Variants in SKIC3 observed in about 807,000 individuals in gnomAD.
The protein encoded by SKIC3 is superkiller complex protein 3.
At chr5:95,482,419 T>C in the SKIC3 span, 844 of 1,557,908 alleles carry the variant, frequency 5.4e-4, 3 homozygotes, top group Middle Eastern at 1.3e-3. Context: ...TGACATTAAC[T>C]AATATTATGA....
At chr5:95,476,477 C>T in the SKIC3 span, among the ~76,000 whole-genome samples, 1 of 152,136 alleles carries the variant, frequency 6.6e-6, no homozygotes, top group Non-Finnish European at 1.5e-5. Flanking sequence ...TCCATCCTCC[C>T]CATACTGCCA....
At chr5:95,554,507 C>A in the SKIC3 span, among the ~76,000 whole-genome samples, 6 of 152,202 alleles carry the variant, frequency 3.9e-5, no homozygotes, top group Non-Finnish European at 7.3e-5. Context: ...CCTCCAGTTT[C>A]GCTTATCTCC....
chr5:95,521,956 C>T, the SKIC3 span: 8 of 1,510,890 alleles, frequency 5.3e-6, no homozygotes, highest in Non-Finnish European at 6.3e-6. Context: ...CTAAAGAAGT[C>T]CTTTTCAAGT....
At chr5:95,521,747 A>G in the SKIC3 span, among the ~76,000 whole-genome samples, 1 of 152,122 alleles carries the variant, frequency 6.6e-6, no homozygotes, top group Non-Finnish European at 1.5e-5. Context: ...GACATGATGA[A>G]TTAATTATCA....
At chr5:95,540,811 T>G in the SKIC3 span, 1 of 1,614,156 alleles carries the variant, frequency 6.2e-7, no homozygotes, top group East Asian at 2.2e-5. Context: ...TTTTATCAAC[T>G]TGTGCCATGT....
the SKIC3 span, among the ~76,000 whole-genome samples, chr5:95,552,725 C>T: frequency 3.9e-5 from 6 of 151,962 alleles, no homozygotes; most frequent in Non-Finnish European, 8.8e-5. Flanking sequence ...CAAATGGTTA[C>T]ATTCTCTTGA....
chr5:95,553,500 G>C, the SKIC3 span, among the ~76,000 whole-genome samples: 1 of 152,032 alleles, frequency 6.6e-6, no homozygotes, highest in East Asian at 1.9e-4. Flanking sequence ...ATGTATGCTT[G>C]GTTTTGCTTC....
the SKIC3 span, chr5:95,527,863 G>T: frequency 1.2e-6 from 1 of 803,436 alleles, no homozygotes; most frequent in Non-Finnish European, 2.0e-6. Flanking sequence ...GTTCCCAAAT[G>T]TATGAATGAC....
At chr5:95,542,542 G>C in the SKIC3 span, among the ~76,000 whole-genome samples, 2 of 152,030 alleles carry the variant, frequency 1.3e-5, no homozygotes, top group African/African-American at 4.8e-5. Context: ...TTGCATTAAA[G>C]AACGATCAGA....
At chr5:95,538,962 A>T in the SKIC3 span, among the ~76,000 whole-genome samples, 1 of 152,186 alleles carries the variant, frequency 6.6e-6, no homozygotes, top group Non-Finnish European at 1.5e-5. Flanking sequence ...TTTTACAGTG[A>T]TTAAGTTACT....
the SKIC3 span, chr5:95,528,942 G>T: frequency 7.0e-7 from 1 of 1,424,114 alleles, no homozygotes; most frequent in Non-Finnish European, 9.9e-7. Context: ...TGTCCTTTAA[G>T]ATAAAAACAA....
the SKIC3 span, among the ~76,000 whole-genome samples, chr5:95,470,390 T>C: frequency 0.24 from 36,861 of 152,090 alleles, 5,876 homozygotes; most frequent in African/African-American, 0.45. Flanking sequence ...AAAGGAGCTA[T>C]AAAATGGGGT....
At chr5:95,518,392 A>T in the SKIC3 span, among the ~76,000 whole-genome samples, 1 of 152,126 alleles carries the variant, frequency 6.6e-6, no homozygotes, top group Non-Finnish European at 1.5e-5. Context: ...GCTACAGAAC[A>T]CTAGAACTTA....
At chr5:95,483,722 A>G in the SKIC3 span, among the ~76,000 whole-genome samples, 2 of 152,214 alleles carry the variant, frequency 1.3e-5, no homozygotes, top group African/African-American at 2.4e-5. Context: ...TAACCATTAC[A>G]TTATTTCTAA....
At chr5:95,503,053 T>C in the SKIC3 span, 7 of 1,609,750 alleles carry the variant, frequency 4.3e-6, no homozygotes, top group African/African-American at 2.7e-5. Context: ...GCCATCCTGA[T>C]TGATGAAGCA....
At chr5:95,519,953 T>TA in the SKIC3 span, among the ~76,000 whole-genome samples, 1 of 151,760 alleles carries the variant, frequency 6.6e-6, no homozygotes, top group Non-Finnish European at 1.5e-5. Flanking sequence ...TTCAGTGAGA[T>TA]AAAAAAGGGT....
the SKIC3 span, among the ~76,000 whole-genome samples, chr5:95,527,156 T>C: frequency 6.6e-6 from 1 of 152,214 alleles, no homozygotes; most frequent in Non-Finnish European, 1.5e-5. Flanking sequence ...CTGAGCCCTT[T>C]TATAGTTTCT....
At chr5:95,552,233 T>G in the SKIC3 span, among the ~76,000 whole-genome samples, 1 of 152,152 alleles carries the variant, frequency 6.6e-6, no homozygotes, top group Non-Finnish European at 1.5e-5. Flanking sequence ...CAAACATGAG[T>G]ACCCTCTTCA....
At chr5:95,509,585 G>A in the SKIC3 span, 5 of 1,590,380 alleles carry the variant, frequency 3.1e-6, no homozygotes, top group Non-Finnish European at 3.5e-6. Context: ...ACAATTAAAT[G>A]TAGTTTACCT....
Sources: gnomAD v4.1 joint callset for allele counts (sites outside exome capture counted in the v4.1 genomes callset) on GRCh38, gnomAD v4.1.1 for gene constraint, MANE v1.5 for transcripts, NCBI Gene and HGNC (gene_info 2026-07-23, HGNC 2026-07-21) for gene names.